Variants in RELCH observed in about 807,000 individuals in gnomAD.
RELCH encodes the protein RAB11 binding and LisH domain, coiled-coil and HEAT repeat containing.
A neutral mutation model predicts 150.3 loss-of-function variants in RELCH; 41 were observed. The ratio of observed to expected loss-of-function variants is 0.27; its 90% confidence interval spans 0.21 to 0.35. The LOEUF (loss-of-function observed/expected upper bound fraction) is 0.35, where lower values mean the gene tolerates loss of function less well. RELCH is among the 10% of genes least tolerant of loss of function. The pLI is 1.00. For synonymous variants in RELCH, 478 were observed against 531.8 expected (o/e 0.90, Z 1.39); for missense variants, 1,092 against 1,467.8 (o/e 0.74, Z 4.18).
At chr18:62,280,420 A>G in intron 23 of RELCH, 1 of 1,613,968 alleles carries the variant, frequency 6.2e-7, no homozygotes, top group Non-Finnish European at 8.5e-7. Context: ...GGCCCTTGTT[A>G]CCTTGTCCAG....
Position 62,307,820 on chromosome 18 carries a change from T to C in RELCH, c.*2286T>C, listed in dbSNP as rs1231496518. On this transcript the variant is annotated 3_prime_UTR_variant, in exon 29 of 29. Coordinates refer to ENST00000644646, the MANE Select transcript of RELCH (RefSeq NM_001346231.2). The stretch of plus-strand genomic sequence containing the variant: ...AGAGTAATCCAGAGATTAAATTTTT[T>C]CAGAAATCCAGAAGTGCCATAATTA... 2.6e-5 allele frequency: 4 copies of C among 152,206 alleles called. No homozygotes were observed. Among genetic ancestry groups the C allele is most frequent in the Non-Finnish European group, 4.4e-5 (3 of 68,036 alleles). The allele number at this position is 152,206 out of a possible 1,614,324, so 9.4% of individuals were successfully genotyped here.
At chr18:62,275,742 T>C (rs1188572660) in intron 22 of RELCH, among the ~76,000 whole-genome samples, 1 of 152,186 alleles carries the variant, frequency 6.6e-6, no homozygotes, top group Non-Finnish European at 1.5e-5. Flanking sequence ...AAATCTTATT[T>C]TAATTTCTAA....
At chr18:62,240,440 A>G (rs2042091829) in intron 10 of RELCH, among the ~76,000 whole-genome samples, 1 of 135,924 alleles carries the variant, frequency 7.4e-6, no homozygotes, top group African/African-American at 2.8e-5. Flanking sequence ...ACAGGGTCTC[A>G]CTCTGTCACC....
intron 2 of RELCH, among the ~76,000 whole-genome samples, chr18:62,216,220 T>A (rs1034350487): frequency 6.6e-6 from 1 of 152,112 alleles, no homozygotes; most frequent in Non-Finnish European, 1.5e-5. Context: ...GTACTATGTG[T>A]TAGGTTTCTA....
chr18:62,288,961 C>G (rs911300179), intron 26 of RELCH, among the ~76,000 whole-genome samples: 1 of 152,072 alleles, frequency 6.6e-6, no homozygotes, highest in Non-Finnish European at 1.5e-5. Flanking sequence ...AAAACTTACA[C>G]AAAACGTTAT....
chr18:62,261,717 G>A, intron 16 of RELCH, 59 bp downstream of exon 16: 1 of 1,475,616 alleles, frequency 6.8e-7, no homozygotes, highest in Non-Finnish European at 9.2e-7. Context: ...GCTTCCCAAA[G>A]AATTGTTTTT....
At chr18:62,247,755 C>T (rs894512030) in intron 11 of RELCH, among the ~76,000 whole-genome samples, 1 of 151,998 alleles carries the variant, frequency 6.6e-6, no homozygotes, top group Non-Finnish European at 1.5e-5. Context: ...TCTTGTTGCC[C>T]AGGCTGGTCT....
intron 27 of RELCH, among the ~76,000 whole-genome samples, chr18:62,292,767 T>C (rs1386642621): frequency 1.3e-5 from 2 of 152,160 alleles, no homozygotes; most frequent in African/African-American, 4.8e-5. Context: ...ATAATGTCTT[T>C]CTAATCTCTT....
At chr18:62,211,765 A>G (rs186589107) in intron 2 of RELCH, among the ~76,000 whole-genome samples, 1 of 148,138 alleles carries the variant, frequency 6.8e-6, no homozygotes, top group African/African-American at 2.6e-5. Context: ...CTCTTAAATT[A>G]AAAAAAAATA....
chr18:62,228,146 T>A (rs61117176), intron 7 of RELCH, among the ~76,000 whole-genome samples, 159 bp from the exon 8 acceptor site: 1 of 152,158 alleles, frequency 6.6e-6, no homozygotes, highest in South Asian at 2.1e-4. Context: ...ATATGAAGCA[T>A]CAGTGAATAT....
intron 1 of RELCH, among the ~76,000 whole-genome samples, chr18:62,194,715 C>T (rs1265212990): frequency 2.0e-5 from 3 of 151,882 alleles, no homozygotes; most frequent in African/African-American, 7.2e-5. Flanking sequence ...TTTTATAATA[C>T]TCAATAAGCA....
chr18:62,197,062 G>A (rs75778262), intron 1 of RELCH, among the ~76,000 whole-genome samples: 5,170 of 152,184 alleles, frequency 0.034, 286 homozygotes, highest in African/African-American at 0.12. Flanking sequence ...TCCTGAGTAA[G>A]GAAAGGAAAA....
chr18:62,287,265 TA>T (rs1467231388), intron 25 of RELCH, 85 bp from the exon 26 acceptor site: 1 of 707,692 alleles, frequency 1.4e-6, no homozygotes, highest in African/African-American at 1.8e-5. Context: ...TTTCATAAAT[TA>T]AAGTGATAAA....
chr18:62,277,358 A>G (rs1468321003), intron 22 of RELCH, among the ~76,000 whole-genome samples: 1 of 152,134 alleles, frequency 6.6e-6, no homozygotes, highest in Non-Finnish European at 1.5e-5. Context: ...TTTCAAATTC[A>G]TTAATGATAC....
intron 11 of RELCH, chr18:62,246,248 T>C (rs1026784676): frequency 3.3e-5 from 5 of 152,224 alleles, no homozygotes; most frequent in African/African-American, 1.2e-4. Flanking sequence ...GTATGGCTTA[T>C]TGCCTAATAA....
chr18:62,222,992 G>A (rs1046778203), intron 5 of RELCH, among the ~76,000 whole-genome samples: 7 of 151,896 alleles, frequency 4.6e-5, no homozygotes, highest in African/African-American at 1.4e-4. Flanking sequence ...AGCACTTAGA[G>A]GGAAATTCAT....
chr18:62,253,302 TG>T (rs1290310114), intron 12 of RELCH, among the ~76,000 whole-genome samples: 3 of 141,870 alleles, frequency 2.1e-5, no homozygotes, highest in African/African-American at 8.4e-5. Flanking sequence ...TGTGTGTGTG[TG>T]TGTGTGTGTA....
intron 10 of RELCH, among the ~76,000 whole-genome samples, chr18:62,234,661 A>G (rs2041783624): frequency 6.6e-6 from 1 of 151,894 alleles, no homozygotes; most frequent in African/African-American, 2.4e-5. Flanking sequence ...TTTAATGTAA[A>G]AAAAATGTAC....
intron 10 of RELCH, among the ~76,000 whole-genome samples, chr18:62,240,408 C>CTTTTTTTTTTTTTT (rs199932427): frequency 2.1e-5 from 3 of 139,570 alleles, no homozygotes; most frequent in African/African-American, 5.3e-5. Flanking sequence ...TTTTTTTTTT[C>CTTTTTTTTTTTTTT]TTTTTCTTTT....
Sources: gnomAD v4.1 joint callset for allele counts (sites outside exome capture counted in the v4.1 genomes callset) on GRCh38, gnomAD v4.1.1 for gene constraint, MANE v1.5 for transcripts, NCBI Gene and HGNC (gene_info 2026-07-23, HGNC 2026-07-21) for gene names.